PTPRN2: variants seen among roughly 807,000 people sequenced by gnomAD.
The protein encoded by PTPRN2 is receptor-type tyrosine-protein phosphatase N2.
In PTPRN2, 74 loss-of-function variants were observed where a neutral mutation model predicts 118.8. That is an observed-to-expected ratio of 0.62 (90% CI 0.52 to 0.76). The LOEUF (loss-of-function observed/expected upper bound fraction) is 0.76. Among genes scored for constraint, PTPRN2 ranks in the 30% least tolerant of loss-of-function variants. PTPRN2 has a pLI of 0.00. For missense variants in PTPRN2, 1,481 were observed against 1,394.4 expected, an observed-to-expected ratio of 1.06 and a Z score of -0.99; for synonymous variants, 641 against 608.0, an observed-to-expected ratio of 1.05 and a Z score of -0.80.
intron 2 of PTPRN2, among the ~76,000 whole-genome samples, chr7:158,432,535 G>A (rs923117318): frequency 6.6e-6 from 1 of 152,240 alleles, no homozygotes; most frequent in Non-Finnish European, 1.5e-5. Context: ...AGCCTCCTGC[G>A]AAGGTTTTCT....
At chr7:158,501,215 C>G (rs1439282431) in intron 1 of PTPRN2, among the ~76,000 whole-genome samples, 1 of 152,246 alleles carries the variant, frequency 6.6e-6, no homozygotes, top group African/African-American at 2.4e-5. Flanking sequence ...AATCATCACT[C>G]CTTCCTGGAA....
At chr7:157,689,149 G>A (rs941079687) in intron 12 of PTPRN2, among the ~76,000 whole-genome samples, 2 of 152,354 alleles carry the variant, frequency 1.3e-5, no homozygotes, top group East Asian at 3.9e-4. Context: ...GGGAGGGGGC[G>A]GGAGGGCACT....
At chr7:158,257,086 T>A (rs1797067466) in intron 3 of PTPRN2, among the ~76,000 whole-genome samples, 1 of 152,160 alleles carries the variant, frequency 6.6e-6, no homozygotes, top group South Asian at 2.1e-4. Context: ...CCCTGGGATC[T>A]GGGTTGAAAT....
intron 11 of PTPRN2, among the ~76,000 whole-genome samples, chr7:157,919,693 G>A (rs1348585289): frequency 6.6e-6 from 1 of 152,088 alleles, no homozygotes; most frequent in Non-Finnish European, 1.5e-5. Flanking sequence ...TAATAATTAG[G>A]AGGACACATA....
intron 3 of PTPRN2, among the ~76,000 whole-genome samples, chr7:158,220,167 G>A (rs571169820): frequency 8.6e-5 from 13 of 151,796 alleles, no homozygotes; most frequent in African/African-American, 3.1e-4. Context: ...AAAGGAATAT[G>A]CCTCAAAATA....
chr7:158,310,498 G>C (rs1801612080), intron 3 of PTPRN2, among the ~76,000 whole-genome samples: 1 of 152,226 alleles, frequency 6.6e-6, no homozygotes. Context: ...GGAAGGTAGA[G>C]CTTGTGAATG....
chr7:157,554,946 T>C (rs1798804077), intron 21 of PTPRN2, among the ~76,000 whole-genome samples: 1 of 148,526 alleles, frequency 6.7e-6, no homozygotes, highest in South Asian at 2.1e-4. Context: ...CAGGCTGCCA[T>C]CTTGCTCAGC....
chr7:158,137,212 T>TTGGAGATCAGCC (rs1818904661), intron 7 of PTPRN2, among the ~76,000 whole-genome samples: 1 of 151,676 alleles, frequency 6.6e-6, no homozygotes, highest in Non-Finnish European at 1.5e-5. Context: ...AGGTCAGGAG[T>TTGGAGATCAGCC]TGGAGATCAG....
At chr7:158,156,304 G>A (rs1394841407) in intron 6 of PTPRN2, among the ~76,000 whole-genome samples, 2 of 152,220 alleles carry the variant, frequency 1.3e-5, no homozygotes, top group African/African-American at 2.4e-5. Context: ...TCAGTGGGGT[G>A]TGGGGATTGG....
Position 158,528,964 on chromosome 7 carries a change from G to C in PTPRN2, c.113-39179C>G, listed in dbSNP as rs1160194219. On this transcript the variant is annotated intron_variant, in intron 1 of 22. Coordinates refer to ENST00000389418, the MANE Select transcript of PTPRN2 (RefSeq NM_002847.5). ...AGGGGTGGAAACACCAGCTCCTCAG[G>C]GGGCCAGCCCTGTGAGGGAAACGTG... Among the ~76,000 whole-genome samples the C allele has an allele frequency of 2.6e-5, 4 of 152,254 alleles. No individual in the cohort carries two copies. In the East Asian group the frequency reaches 5.8e-4, roughly 22 times the overall value.
At chr7:158,151,503 CT>C (rs1308770893) in intron 6 of PTPRN2, among the ~76,000 whole-genome samples, 3 of 152,258 alleles carry the variant, frequency 2.0e-5, no homozygotes, top group Admixed American at 6.5e-5. Context: ...CACCGCCCGC[CT>C]TTCTGCTCCT....
intron 12 of PTPRN2, among the ~76,000 whole-genome samples, chr7:157,694,969 AT>A (rs1797695144): frequency 6.6e-6 from 1 of 152,120 alleles, no homozygotes; most frequent in Non-Finnish European, 1.5e-5. Flanking sequence ...TGAATAAAAA[AT>A]ATAATATATG....
At chr7:158,284,491 GC>G (rs1381139723) in intron 3 of PTPRN2, among the ~76,000 whole-genome samples, 1 of 152,154 alleles carries the variant, frequency 6.6e-6, no homozygotes, top group East Asian at 1.9e-4. Flanking sequence ...GCAAACCCTT[GC>G]CCAGTGCCAC....
At chr7:158,409,736 C>T (rs1813889097) in intron 2 of PTPRN2, among the ~76,000 whole-genome samples, 1 of 152,156 alleles carries the variant, frequency 6.6e-6, no homozygotes, top group African/African-American at 2.4e-5. Context: ...CGCGCAGGCC[C>T]CCTCAGACCC....
At chr7:158,456,128 C>A (rs1027084016) in intron 2 of PTPRN2, among the ~76,000 whole-genome samples, 1 of 147,278 alleles carries the variant, frequency 6.8e-6, no homozygotes, top group African/African-American at 2.5e-5. Flanking sequence ...CCACCCATCA[C>A]TCTTCAGAGA....
At chr7:158,083,278 G>A (rs946142199) in intron 10 of PTPRN2, among the ~76,000 whole-genome samples, 3 of 152,118 alleles carry the variant, frequency 2.0e-5, no homozygotes, top group African/African-American at 7.2e-5. Flanking sequence ...TTTGTGACCG[G>A]TTCAACATTT....
chr7:158,510,909 T>C (rs1250214781), intron 1 of PTPRN2, among the ~76,000 whole-genome samples: 10 of 152,216 alleles, frequency 6.6e-5, no homozygotes, highest in Non-Finnish European at 1.5e-5. Flanking sequence ...GGGAGGGCTG[T>C]CGTCGAGGAG....
chr7:158,110,877 T>A lies in PTPRN2; in HGVS notation c.1595A>T (p.Asp532Val), dbSNP rs764669772. ...RPEEGRRLVE[D>V]VARLLQVPSS... ...GGGCACCTGCAGGAGGCGGGCGACG[T>A]CCTCCACCAGCCGCCTTCCTTCCTC... The change falls in exon 10 of 23, where the codon GAC (aspartate) becomes GTC (valine). Residue 532 changes from aspartate (D) to valine (V), a missense_variant. Physicochemically the swap from Asp to Val is radical, Grantham distance 152. Around this residue, in one of 3 missense-constraint regions of PTPRN2, gnomAD observed 1,115 missense variants for 994.2 expected, o/e 1.12. Coordinates refer to ENST00000389418, the MANE Select transcript of PTPRN2 (RefSeq NM_002847.5). 1 of 1,586,074 alleles carries A rather than the reference T, an allele frequency of 6.3e-7. No homozygotes were observed. Among genetic ancestry groups the A allele is most frequent in the Non-Finnish European group, 8.6e-7 (1 of 1,166,356 alleles).
At chr7:158,013,774 T>TCCCCCCCCCCCCCC (rs1806232167) in intron 11 of PTPRN2, among the ~76,000 whole-genome samples, 1 of 68,608 alleles carries the variant, frequency 1.5e-5, no homozygotes. Flanking sequence ...CATCCACCTA[T>TCCCCCCCCCCCCCC]CCATCCATTC....
Sources: allele counts gnomAD v4.1 joint callset (sites outside exome capture counted in the v4.1 genomes callset), GRCh38; gene constraint gnomAD v4.1.1; regional missense constraint gnomAD v4.1.1; transcripts MANE v1.5; gene names NCBI Gene and HGNC (gene_info 2026-07-23, HGNC 2026-07-21).